CPED1: variants seen among roughly 807,000 people sequenced by gnomAD.
The protein encoded by CPED1 is cadherin-like and PC-esterase domain-containing protein 1.
A neutral mutation model predicts 128.2 loss-of-function variants in CPED1; 114 were observed. The observed-to-expected ratio is 0.89, with a 90% CI of 0.76 to 1.04. The LOEUF is 1.04. Ranked by LOEUF, CPED1 falls within the 50% of genes least tolerant of loss-of-function variation. The probability of loss-of-function intolerance (pLI) is 0.00; values close to 1 mark genes in which losing one functional copy is unlikely to be tolerated. For missense variants in CPED1, 1,211 were observed against 1,207.1 expected (o/e 1.00, Z -0.05); for synonymous variants, 462 against 426.7 (o/e 1.08, Z -1.02).
At chr7:121,229,558 C>A (rs541494626) in intron 16 of CPED1, among the ~76,000 whole-genome samples, 1 of 151,888 alleles carries the variant, frequency 6.6e-6, no homozygotes, top group African/African-American at 2.4e-5. Context: ...ATCTCAAAAT[C>A]CAAATATTGC....
At chr7:121,231,115 A>G (rs1444248946) in intron 16 of CPED1, among the ~76,000 whole-genome samples, 1 of 152,116 alleles carries the variant, frequency 6.6e-6, no homozygotes, top group Non-Finnish European at 1.5e-5. Flanking sequence ...GCATGACTAT[A>G]GAAAAGGTCA....
At chr7:121,031,618 G>A (rs998138060) in intron 3 of CPED1, among the ~76,000 whole-genome samples, 6 of 152,102 alleles carry the variant, frequency 3.9e-5, no homozygotes, top group African/African-American at 1.4e-4. Context: ...CAAAAAGATG[G>A]TTTCTGTTTT....
At chr7:121,204,282 A>G (rs1486007606) in intron 16 of CPED1, among the ~76,000 whole-genome samples, 1 of 152,120 alleles carries the variant, frequency 6.6e-6, no homozygotes, top group Non-Finnish European at 1.5e-5. Flanking sequence ...AAAAGTCCAT[A>G]ATAGTTTTAC....
intron 16 of CPED1, among the ~76,000 whole-genome samples, chr7:121,222,934 T>TG (rs1797915813): frequency 6.6e-6 from 1 of 151,964 alleles, no homozygotes; most frequent in Non-Finnish European, 1.5e-5. Context: ...TTTTACTAAC[T>TG]AATACCCTTT....
At chr7:121,196,068 A>G (rs1301531232) in intron 16 of CPED1, among the ~76,000 whole-genome samples, 1 of 152,040 alleles carries the variant, frequency 6.6e-6, no homozygotes, top group Non-Finnish European at 1.5e-5. Context: ...TGTTGTAAGT[A>G]GCGCCTCAGG....
chr7:121,119,034 A>G (rs1795319628), intron 7 of CPED1, among the ~76,000 whole-genome samples: 1 of 152,064 alleles, frequency 6.6e-6, no homozygotes, highest in South Asian at 2.1e-4. Context: ...TTCCAATACA[A>G]TTTTACTTTT....
intron 21 of CPED1, 80 bp downstream of exon 21, chr7:121,267,382 A>G (rs1167474873): frequency 4.3e-6 from 3 of 694,752 alleles, no homozygotes; most frequent in East Asian, 3.0e-5. Flanking sequence ...GTAAGGCACT[A>G]TATAATATTG....
At chr7:121,069,911 T>C (rs1793945637) in intron 5 of CPED1, among the ~76,000 whole-genome samples, 1 of 152,040 alleles carries the variant, frequency 6.6e-6, no homozygotes, top group African/African-American at 2.4e-5. Flanking sequence ...TTTGCCCAAT[T>C]TTTGGCCATA....
Position 121,125,839 on chromosome 7 carries a change from C to T in CPED1, c.1081C>T (p.Leu361Phe), listed in dbSNP as rs745410219. 1 of 1,613,246 alleles carries T rather than the reference C, an allele frequency of 6.2e-7. No individual in the cohort carries two copies. Among genetic ancestry groups the T allele is most frequent in the Non-Finnish European group, 8.5e-7 (1 of 1,179,422 alleles). ...TTTTAGATGCAGATTCTGCTTTCAA[C>T]TTCTAACTTTTGATATTGGTTATGG... The part of the protein sequence containing the change: ...TFHRCRFCFQ[L>F]LTFDIGYGSF... Residue 361 changes from leucine (L) to phenylalanine (F), a missense_variant, in exon 9 of 23, where the codon CTT (leucine) becomes TTT (phenylalanine). Coordinates refer to ENST00000310396, the MANE Select transcript of CPED1 (RefSeq NM_024913.5).
intron 22 of CPED1, among the ~76,000 whole-genome samples, chr7:121,278,950 A>G (rs1194187565): frequency 1.3e-5 from 2 of 152,138 alleles, no homozygotes; most frequent in Non-Finnish European, 2.9e-5. Flanking sequence ...GCTGACTCAT[A>G]AACTCCTTCA....
At chr7:121,102,424 T>C (rs529696801) in intron 7 of CPED1, among the ~76,000 whole-genome samples, 17 of 152,250 alleles carry the variant, frequency 1.1e-4, no homozygotes, top group South Asian at 6.2e-4. Context: ...CAGAATGTGC[T>C]CCAAACATGA....
intron 7 of CPED1, 101 bp from the exon 8 acceptor site, chr7:121,124,230 G>A: frequency 3.7e-6 from 4 of 1,073,186 alleles, no homozygotes; most frequent in Non-Finnish European, 5.2e-6. Flanking sequence ...GGTGTGACAA[G>A]TAGAGATAAC....
intron 5 of CPED1, among the ~76,000 whole-genome samples, chr7:121,085,300 T>C (rs1861000): frequency 0.4 from 60,133 of 151,950 alleles, 12,443 homozygotes; most frequent in Middle Eastern, 0.55. Context: ...ACTGCTGGTG[T>C]ACATCCCACT....
intron 7 of CPED1, among the ~76,000 whole-genome samples, chr7:121,115,656 C>T (rs148453939): frequency 2.7e-4 from 41 of 152,268 alleles, no homozygotes; most frequent in African/African-American, 7.2e-4. Context: ...TTTGTACTGC[C>T]TGTAACAAAT....
chr7:121,250,564 T>C (rs562415939), intron 18 of CPED1, among the ~76,000 whole-genome samples: 30 of 152,262 alleles, frequency 2.0e-4, no homozygotes, highest in African/African-American at 7.0e-4. Flanking sequence ...ACAAAATTGA[T>C]AGACCGCTAG....
chr7:121,048,872 T>C (rs185312541), intron 4 of CPED1, among the ~76,000 whole-genome samples: 23 of 152,322 alleles, frequency 1.5e-4, no homozygotes, highest in Admixed American at 1.0e-3. Flanking sequence ...TGTCATCTAT[T>C]CTCTGTATTT....
At chr7:121,025,017 TTCC>T (rs2116841134) in intron 3 of CPED1, among the ~76,000 whole-genome samples, 1 of 152,284 alleles carries the variant, frequency 6.6e-6, no homozygotes, top group East Asian at 1.9e-4. Context: ...CTAACTATAG[TTCC>T]CAGACTCTTT....
Position 121,140,842 on chromosome 7 carries a change from G to A in CPED1, c.1715G>A (p.Cys572Tyr). 1 of 1,611,432 alleles carries A rather than the reference G, an allele frequency of 6.2e-7. No homozygotes were observed. Among genetic ancestry groups the A allele is most frequent in the South Asian group, 1.1e-5 (1 of 90,762 alleles). Residue 572 changes from cysteine to tyrosine, a missense_variant, in exon 15 of 23, where the codon TGT (cysteine) becomes TAT (tyrosine). Cys to Tyr is a radical substitution (Grantham distance 194, BLOSUM62 -2). Coordinates refer to ENST00000310396, the MANE Select transcript of CPED1 (RefSeq NM_024913.5). The part of the protein sequence containing the change: ...IHCSDDENTP[C>Y]HIKQIFTHPH... ...TTTTTAACAGATGAAAACACACCAT[G>A]TCATATCAAGCAGATCTTCACACAT...
At chr7:120,993,899 A>T in intron 2 of CPED1, 1 of 267,140 alleles carries the variant, frequency 3.7e-6, no homozygotes, top group African/African-American at 2.3e-5. Context: ...TGGTATTTGC[A>T]GGTTGAGTTT....
Sources: allele counts gnomAD v4.1 joint callset (sites outside exome capture counted in the v4.1 genomes callset), GRCh38; gene constraint gnomAD v4.1.1; transcripts MANE v1.5; gene names NCBI Gene and HGNC (gene_info 2026-07-23, HGNC 2026-07-21).